The following CLIC5 variants were observed in gnomAD, a reference collection of about 807,000 sequenced individuals.
CLIC5 encodes CLIC family member 5.
A neutral mutation model predicts 24.7 loss-of-function variants in CLIC5; 20 were observed. The observed-to-expected ratio is 0.81, with a 90% CI of 0.57 to 1.18. The LOEUF is 1.18. Ranked by LOEUF, CLIC5 falls within the 50% of genes most tolerant of loss-of-function variation. The probability of loss-of-function intolerance (pLI) is 0.00; values close to 1 mark genes in which losing one functional copy is unlikely to be tolerated. For missense variants in CLIC5, 341 were observed against 326.1 expected, an observed-to-expected ratio of 1.05 and a Z score of -0.35; for synonymous variants, 159 against 135.6, an observed-to-expected ratio of 1.17 and a Z score of -1.20.
chr6:46,096,958 T>C, the CLIC5 span: 1 of 152,188 alleles, frequency 6.6e-6, no homozygotes, highest in Non-Finnish European at 1.5e-5. Flanking sequence ...ATGAGGGAAC[T>C]TCCTAGGGGG....
chr6:45,968,185 A>G lies in CLIC5; in HGVS notation c.64-12941T>C, dbSNP rs9395139. On this transcript the variant is annotated intron_variant, in intron 1 of 5. Coordinates refer to ENST00000339561, the MANE Select transcript of CLIC5 (RefSeq NM_016929.5). ...TGTGTCTTCCCAATCTGCTATCTCC[A>G]CCATCATGCATCTCTAAACCCCTCA... Among the ~76,000 whole-genome samples, 3 of 152,052 alleles carry G rather than the reference A, an allele frequency of 2.0e-5. No individual in the cohort carries two copies. In the East Asian group the frequency reaches 5.8e-4, roughly 29 times the overall value.
At position 45,902,102 on chromosome 6, in the gene CLIC5, A is replaced by C. The variant is rs1256244264; in HGVS notation, c.*986T>G. On this transcript the variant is annotated 3_prime_UTR_variant, in exon 6 of 6. Transcript: ENST00000339561. Reference sequence around the variant, plus strand: ...ATGATGCCACCAGTCCAAGACTTAGATCATGAGAGAAGGCCTTTTTAAAAG... The same window carrying C: ...ATGATGCCACCAGTCCAAGACTTAGCTCATGAGAGAAGGCCTTTTTAAAAG... 2 of 152,644 alleles carry C rather than the reference A, an allele frequency of 1.3e-5. No homozygotes were observed. The highest frequency in any genetic ancestry group is 2.9e-5 in the Non-Finnish European group (2 of 68,068). The allele number at this position is 152,644 out of a possible 1,614,324, so 9.5% of individuals were successfully genotyped here. A position where few individuals can be genotyped will look rare whatever the true frequency, so the allele number is the denominator to read the frequency against.
Position 46,015,604 on chromosome 6 carries a change from C to T in CLIC5, c.-62G>A, listed in dbSNP as rs1766975408. 6.7e-7 allele frequency: 1 copy of T among 1,482,994 alleles called. No homozygotes were observed. The highest frequency in any genetic ancestry group is 9.0e-7 in the Non-Finnish European group (1 of 1,113,280). The allele number at this position is 1,482,994 out of a possible 1,614,324, so 91.9% of individuals were successfully genotyped here. A position where few individuals can be genotyped will look rare whatever the true frequency, so the allele number is the denominator to read the frequency against. On this transcript the variant is annotated 5_prime_UTR_variant, in exon 1 of 6. Coordinates refer to ENST00000339561, the MANE Select transcript of CLIC5 (RefSeq NM_016929.5). ...AGGCGCCACCTCTGCAGCACCTGGG[C>T]CAGCACTCTGCGCTCCTGCCGCTGC...
intron 1 of CLIC5, among the ~76,000 whole-genome samples, chr6:46,008,963 A>G (rs1766700684): frequency 6.6e-6 from 1 of 152,082 alleles, no homozygotes; most frequent in Non-Finnish European, 1.5e-5. Flanking sequence ...TCAGTCTTTG[A>G]TGGGCTTCAG....
chr6:46,103,393 C>G, the CLIC5 span, among the ~76,000 whole-genome samples: 3 of 152,204 alleles, frequency 2.0e-5, no homozygotes, highest in Admixed American at 6.5e-5. Flanking sequence ...GGGACATTTA[C>G]ATCTGTAGAC....
chr6:46,071,217 T>A (rs559289185), intron 1 of CLIC5, among the ~76,000 whole-genome samples: 1 of 151,998 alleles, frequency 6.6e-6, no homozygotes, highest in East Asian at 1.9e-4. Flanking sequence ...AAAGCAAAAA[T>A]TCACAAATGG....
At chr6:46,088,970 G>A in the CLIC5 span, among the ~76,000 whole-genome samples, 22 of 152,306 alleles carry the variant, frequency 1.4e-4, no homozygotes, top group Middle Eastern at 3.4e-3. Flanking sequence ...TTGCAGCAGG[G>A]AAGGGCTCAC....
chr6:45,976,612 G>A (rs1765393112), intron 1 of CLIC5, among the ~76,000 whole-genome samples: 1 of 152,216 alleles, frequency 6.6e-6, no homozygotes, highest in South Asian at 2.1e-4. Context: ...CAATGCCCAT[G>A]CACAGACAGA....
At chr6:45,896,909 T>TA (rs913988751), downstream of CLIC5, among the ~76,000 whole-genome samples, 1 of 152,060 alleles carries the variant, frequency 6.6e-6, no homozygotes, top group African/African-American at 2.4e-5. Flanking sequence ...AACTGGCTAT[T>TA]AAAAAAACAA....
At chr6:46,058,753 A>G (rs1191519048) in intron 1 of CLIC5, among the ~76,000 whole-genome samples, 2 of 152,178 alleles carry the variant, frequency 1.3e-5, no homozygotes, top group African/African-American at 4.8e-5. Flanking sequence ...TAAAGGCTCA[A>G]CGGTGGAAGA....
intron 3 of CLIC5, among the ~76,000 whole-genome samples, chr6:45,948,359 C>T (rs1263467983): frequency 6.6e-6 from 1 of 152,068 alleles, no homozygotes; most frequent in Non-Finnish European, 1.5e-5. Context: ...CCAATGGCTC[C>T]CCAGAATTAA....
At chr6:45,958,509 T>G in intron 1 of CLIC5, among the ~76,000 whole-genome samples, 2 of 136,816 alleles carry the variant, frequency 1.5e-5, no homozygotes, top group East Asian at 2.2e-4. Flanking sequence ...AAGCTCATGA[T>G]TCTGCTTTGA....
chr6:46,106,125 A>G, the CLIC5 span, among the ~76,000 whole-genome samples: 2,097 of 152,242 alleles, frequency 0.014, 48 homozygotes, highest in African/African-American at 0.047. Flanking sequence ...GGAAAAGTGG[A>G]ACAGAGTTTC....
chr6:45,952,231 G>A (rs1764496011), intron 2 of CLIC5, among the ~76,000 whole-genome samples: 2 of 152,184 alleles, frequency 1.3e-5, no homozygotes, highest in African/African-American at 4.8e-5. Flanking sequence ...CGCTTAGCTA[G>A]AGTTGCAGCC....
chr6:46,033,443 G>A (rs1286721095), intron 1 of CLIC5, among the ~76,000 whole-genome samples: 2 of 152,138 alleles, frequency 1.3e-5, no homozygotes, highest in Admixed American at 1.3e-4. Context: ...AGCTCATTTG[G>A]TCATATATCC....
chr6:45,995,763 C>T (rs1314032397), intron 1 of CLIC5, among the ~76,000 whole-genome samples: 1 of 152,056 alleles, frequency 6.6e-6, no homozygotes. Context: ...GGTACACATA[C>T]ACCATGGAAT....
chr6:46,065,654 C>A (rs905143774), intron 1 of CLIC5, among the ~76,000 whole-genome samples: 5 of 152,054 alleles, frequency 3.3e-5, no homozygotes, highest in African/African-American at 9.7e-5. Flanking sequence ...ATGAAAGAAA[C>A]CACACACAAA....
intron 1 of CLIC5, among the ~76,000 whole-genome samples, chr6:45,981,018 T>C (rs961043829): frequency 7.2e-5 from 11 of 152,206 alleles, no homozygotes; most frequent in African/African-American, 2.4e-4. Flanking sequence ...TAGCCCAGGC[T>C]GAAGTGCAGT....
At chr6:45,933,153 G>A (rs1763803062) in intron 4 of CLIC5, among the ~76,000 whole-genome samples, 1 of 152,158 alleles carries the variant, frequency 6.6e-6, no homozygotes, top group South Asian at 2.1e-4. Context: ...GGAAACCTTG[G>A]CCTTTATTTG....
Sources: gnomAD v4.1 joint callset for allele counts (sites outside exome capture counted in the v4.1 genomes callset) on GRCh38, gnomAD v4.1.1 for gene constraint, MANE v1.5 for transcripts, NCBI Gene and HGNC (gene_info 2026-07-23, HGNC 2026-07-21) for gene names.